The following MSI2 variants were observed in gnomAD, a reference collection of about 807,000 sequenced individuals.
MSI2 encodes musashi RNA binding protein 2, also known as RNA-binding protein Musashi homolog 2.
A neutral mutation model predicts 45.6 loss-of-function variants in MSI2; 17 were observed. The observed-to-expected ratio is 0.37, with a 90% confidence interval of 0.26 to 0.56. The LOEUF is 0.56. Ranked by LOEUF, MSI2 falls within the 20% of genes least tolerant of loss-of-function variation. The pLI, the probability that MSI2 is intolerant of heterozygous loss-of-function variation, is 0.77. For missense variants in MSI2, 293 were observed against 444.2 expected, an observed-to-expected ratio of 0.66 and a Z score of 3.06; for synonymous variants, 156 against 158.2, an observed-to-expected ratio of 0.99 and a Z score of 0.11.
At position 57,293,247 on chromosome 17, in the gene MSI2, G is replaced by C. The variant is rs374648776; in HGVS notation, c.312+31055G>C. Among the ~76,000 whole-genome samples, 14 of 152,258 alleles carry C rather than the reference G, an allele frequency of 9.2e-5. No homozygotes were observed. In the East Asian group the frequency reaches 2.5e-3, roughly 27 times the overall value. On this transcript the variant is annotated intron_variant, in intron 5 of 13. Transcript: ENST00000284073. ...AGGGGAGGCTGGGGAGAGACTCAGG[G>C]CCCTACTGTTGGAATGGCCTTCACA...
chr17:57,283,871 G>A (rs1909636928), intron 5 of MSI2, among the ~76,000 whole-genome samples: 1 of 152,220 alleles, frequency 6.6e-6, no homozygotes, highest in Admixed American at 6.5e-5. Flanking sequence ...TGGCAGGTGC[G>A]TGGGGACGCA....
intron 6 of MSI2, among the ~76,000 whole-genome samples, chr17:57,466,687 C>T (rs1030509035): frequency 1.3e-5 from 2 of 151,968 alleles, no homozygotes; most frequent in Admixed American, 1.3e-4. Flanking sequence ...CATTTTTTTT[C>T]CCCCAAGATA....
At chr17:57,469,561 T>C (rs371491577) in intron 6 of MSI2, among the ~76,000 whole-genome samples, 2 of 152,204 alleles carry the variant, frequency 1.3e-5, no homozygotes, top group East Asian at 1.9e-4. Flanking sequence ...TTACAGGGGA[T>C]TTTGGTTCTT....
At chr17:57,382,462 C>T (rs896122627) in intron 5 of MSI2, among the ~76,000 whole-genome samples, 1 of 152,202 alleles carries the variant, frequency 6.6e-6, no homozygotes, top group Middle Eastern at 3.4e-3. Context: ...GAGGTAAAGA[C>T]AGGTGGGAGG....
chr17:57,630,180 G>T (rs1399084445), intron 10 of MSI2: 2 of 149,780 alleles, frequency 1.3e-5, no homozygotes, highest in East Asian at 2.1e-4. Flanking sequence ...TTGGGAACTG[G>T]GGGGGCGGGG....
At chr17:57,658,656 G>A (rs1265975754) in intron 11 of MSI2, among the ~76,000 whole-genome samples, 1 of 152,218 alleles carries the variant, frequency 6.6e-6, no homozygotes, top group East Asian at 1.9e-4. Flanking sequence ...TAGCCTTGAA[G>A]CCCAGACCTA....
At chr17:57,653,159 G>A (rs1030670036) in intron 11 of MSI2, among the ~76,000 whole-genome samples, 5 of 152,176 alleles carry the variant, frequency 3.3e-5, no homozygotes. Flanking sequence ...AAGCCCAGAG[G>A]GCAAATGCCA....
intron 6 of MSI2, among the ~76,000 whole-genome samples, chr17:57,493,231 G>A (rs182843050): frequency 2.3e-4 from 35 of 152,252 alleles, no homozygotes; most frequent in African/African-American, 8.2e-4. Context: ...CAGCAGTTTT[G>A]GGAATGGGAG....
At chr17:57,382,514 T>G (rs2083614535) in intron 5 of MSI2, among the ~76,000 whole-genome samples, 1 of 151,756 alleles carries the variant, frequency 6.6e-6, no homozygotes, top group African/African-American at 2.4e-5. Context: ...AGATCTGGGG[T>G]GTGGAAATGT....
chr17:57,551,822 G>A (rs1408264915), intron 7 of MSI2, among the ~76,000 whole-genome samples: 1 of 152,172 alleles, frequency 6.6e-6, no homozygotes, highest in African/African-American at 2.4e-5. Flanking sequence ...GGCGTCCATT[G>A]CTTGGGGCAA....
chr17:57,554,147 C>T (rs929577411), intron 7 of MSI2, among the ~76,000 whole-genome samples: 1 of 151,556 alleles, frequency 6.6e-6, no homozygotes, highest in African/African-American at 2.4e-5. Flanking sequence ...GGCTGGTAAA[C>T]GCTGCTTTGT....
intron 6 of MSI2, among the ~76,000 whole-genome samples, chr17:57,465,891 C>T (rs779827942): frequency 5.9e-5 from 9 of 152,138 alleles, no homozygotes; most frequent in African/African-American, 1.7e-4. Context: ...CTCTGAGCCC[C>T]GTAGAAGGGT....
intron 6 of MSI2, among the ~76,000 whole-genome samples, chr17:57,486,968 A>G (rs1013928603): frequency 2.0e-4 from 31 of 152,320 alleles, no homozygotes; most frequent in African/African-American, 7.2e-4. Context: ...GGTGCATGCA[A>G]AGTGCTTTGG....
intron 5 of MSI2, among the ~76,000 whole-genome samples, chr17:57,370,490 C>G (rs1186469111): frequency 1.3e-5 from 2 of 152,096 alleles, no homozygotes; most frequent in African/African-American, 2.4e-5. Flanking sequence ...GCCTCTGTTG[C>G]TCTCTCATGT....
chr17:57,408,665 G>A (rs1191021786), intron 6 of MSI2, among the ~76,000 whole-genome samples: 1 of 5,372 alleles, frequency 1.9e-4, no homozygotes, highest in South Asian at 0.25. Context: ...CTCTGAAGAC[G>A]TCACTTAACA....
downstream of MSI2, among the ~76,000 whole-genome samples, chr17:57,685,892 T>A (rs1913865831): frequency 6.6e-6 from 1 of 152,166 alleles, no homozygotes; most frequent in South Asian, 2.1e-4. Flanking sequence ...ATGCTCCTCA[T>A]CCTGATTGCT....
chr17:57,557,953 C>T (rs2087477250), intron 7 of MSI2, among the ~76,000 whole-genome samples: 1 of 152,188 alleles, frequency 6.6e-6, no homozygotes, highest in African/African-American at 2.4e-5. Flanking sequence ...ACCTCCGGGG[C>T]TGCAGCTGAC....
chr17:57,593,405 T>A (rs1267426403), intron 7 of MSI2, among the ~76,000 whole-genome samples: 5 of 152,190 alleles, frequency 3.3e-5, no homozygotes, highest in African/African-American at 9.7e-5. Context: ...TTCCTTGCCT[T>A]CTGGAAAACC....
intron 11 of MSI2, among the ~76,000 whole-genome samples, chr17:57,661,607 G>C (rs1467509099): frequency 6.6e-6 from 1 of 152,204 alleles, no homozygotes; most frequent in East Asian, 1.9e-4. Flanking sequence ...CCTGGAGCAA[G>C]GGGTGTGGAG....
Sources: allele counts gnomAD v4.1 joint callset (sites outside exome capture counted in the v4.1 genomes callset), GRCh38; gene constraint gnomAD v4.1.1; transcripts MANE v1.5; gene names NCBI Gene and HGNC (gene_info 2026-07-23, HGNC 2026-07-21).